Variants in KPNA6 observed in about 807,000 individuals in gnomAD.
KPNA6 encodes the protein importin subunit alpha-7.
In KPNA6, 9 loss-of-function variants were observed where a neutral mutation model predicts 72.0. That is an observed-to-expected ratio of 0.13 (90% CI 0.08 to 0.22). KPNA6 has a LOEUF of 0.22. KPNA6 is among the 10% of genes least tolerant of loss of function. The pLI, the probability that KPNA6 is intolerant of heterozygous loss-of-function variation, is 1.00. For missense variants in KPNA6, 374 were observed against 655.7 expected (o/e 0.57, Z 4.69); for synonymous variants, 219 against 242.1 (o/e 0.90, Z 0.89).
Position 32,156,216 on chromosome 1 carries a change from A to G in KPNA6, c.139-637A>G, listed in dbSNP as rs79496606. Among the ~76,000 whole-genome samples, 349 of 151,508 alleles carry G rather than the reference A, an allele frequency of 2.3e-3. 4 individuals carry two copies. Among genetic ancestry groups the G allele is most frequent in the African/African-American group, 7.8e-3 (320 of 41,240 alleles). ...CTCCAAGTCCTTGAATATCTTTTCC[A>G]TGTTAGTAATCAATAGTCTCCTCTT... On this transcript the variant is annotated intron_variant, in intron 2 of 13. Coordinates refer to ENST00000373625, the MANE Select transcript of KPNA6 (RefSeq NM_012316.5).
chr1:32,153,698 A>G (rs1642081961), intron 1 of KPNA6, among the ~76,000 whole-genome samples: 1 of 152,224 alleles, frequency 6.6e-6, no homozygotes, highest in African/African-American at 2.4e-5. Flanking sequence ...GGATATGCAA[A>G]TAATCATCTC....
chr1:32,162,240 C>T lies in KPNA6; in HGVS notation c.748-121C>T, dbSNP rs1328555515. 5 of 1,050,428 alleles carry T rather than the reference C, an allele frequency of 4.8e-6. 1 individual carries two copies. The highest frequency in any genetic ancestry group is 4.8e-5 in the East Asian group (2 of 42,096). 65.1% of individuals were successfully genotyped at this position (1,050,428 alleles called of 1,614,324 possible). A position where few individuals can be genotyped will look rare whatever the true frequency, so the allele number is the denominator to read the frequency against. ...CAAATGTTTAATGTAGTAGCGATCC[C>T]TAGGGTCTGGAATTACTTGTGTGTG... On this transcript the variant is annotated intron_variant, in intron 8 of 13. Transcript: ENST00000373625.
At chr1:32,130,799 T>G (rs1641623478) in intron 1 of KPNA6, among the ~76,000 whole-genome samples, 1 of 151,652 alleles carries the variant, frequency 6.6e-6, no homozygotes, top group African/African-American at 2.4e-5. Flanking sequence ...CTCAAAGAAG[T>G]TCATTAAGAA....
At chr1:32,138,475 G>A (rs1212152753) in intron 1 of KPNA6, among the ~76,000 whole-genome samples, 5 of 151,106 alleles carry the variant, frequency 3.3e-5, no homozygotes, top group South Asian at 2.1e-4. Context: ...CCTGGGAGAC[G>A]GAGGTTGCGG....
At chr1:32,158,206 C>G (rs1254698081) in intron 4 of KPNA6, 61 bp from the exon 5 acceptor site, 1 of 1,080,208 alleles carries the variant, frequency 9.3e-7, no homozygotes, top group Non-Finnish European at 1.4e-6. Context: ...CAAGCTGACC[C>G]CCATGAAGGG....
At chr1:32,124,868 G>T (rs554256193) in intron 1 of KPNA6, among the ~76,000 whole-genome samples, 2 of 149,268 alleles carry the variant, frequency 1.3e-5, no homozygotes, top group Non-Finnish European at 3.0e-5. Context: ...TTTTTGAGAC[G>T]GAGTTTCACT....
rs143894642 is a variant in KPNA6, at chr1:32,161,331, A to T, written c.648-616A>T. Among the ~76,000 whole-genome samples the T allele has an allele frequency of 3.8e-3, 582 of 152,306 alleles. 4 individuals carry two copies. The highest frequency in any genetic ancestry group is 0.013 in the African/African-American group (543 of 41,566). On this transcript the variant is annotated intron_variant, in intron 7 of 13. Coordinates refer to ENST00000373625, the MANE Select transcript of KPNA6 (RefSeq NM_012316.5). Reference sequence around the variant, plus strand: ...TCTCTACAAAATGCATTGATTTGTTATGGGGTTTTGCATACATACATCGGA... The same window carrying T: ...TCTCTACAAAATGCATTGATTTGTTTTGGGGTTTTGCATACATACATCGGA...
At chr1:32,123,672 T>A (rs992064874) in intron 1 of KPNA6, among the ~76,000 whole-genome samples, 1 of 147,728 alleles carries the variant, frequency 6.8e-6, no homozygotes, top group Non-Finnish European at 1.5e-5. Flanking sequence ...CCCCGGAGAT[T>A]GAGGTTGCAG....
chr1:32,171,395 CA>C lies in KPNA6; in HGVS notation c.*504del, dbSNP rs1052418957. 1 of 152,852 alleles carries C rather than the reference CA, an allele frequency of 6.5e-6. No individual in the cohort carries two copies. The highest frequency in any genetic ancestry group is 1.5e-5 in the Non-Finnish European group (1 of 68,574). 9.5% of individuals were successfully genotyped at this position (152,852 alleles called of 1,614,324 possible). ...GGGAGGGGAAGGGAGAAATCCAAAA[CA>C]AAGTGTTCTTGCTCTGACAGAATAT... On this transcript the variant is annotated 3_prime_UTR_variant, in exon 14 of 14. Transcript: ENST00000373625.
chr1:32,167,400 C>T, intron 12 of KPNA6, 104 bp downstream of exon 12: 4 of 1,288,028 alleles, frequency 3.1e-6, no homozygotes, highest in Non-Finnish European at 4.4e-6. Context: ...GACAGGTCTG[C>T]CCCCTAGTCT....
At position 32,170,927 on chromosome 1, in the gene KPNA6, G is replaced by GCACC. The variant is rs768539123; in HGVS notation, c.*34_*37dup. The GCACC allele has an allele frequency of 4.4e-6, 7 of 1,596,082 alleles. No homozygotes were observed. Among genetic ancestry groups the GCACC allele is most frequent in the Non-Finnish European group, 5.2e-6 (6 of 1,164,660 alleles). ...CTCCAGGGAGGGGAGGGGATGGGAA[G>GCACC]CACCACCAGCCAGCGGAAGAGCAGC... On this transcript the variant is annotated 3_prime_UTR_variant, in exon 14 of 14. Transcript: ENST00000373625.
chr1:32,150,166 T>C (rs1642003705), intron 1 of KPNA6, among the ~76,000 whole-genome samples: 1 of 140,268 alleles, frequency 7.1e-6, no homozygotes, highest in African/African-American at 2.6e-5. Flanking sequence ...AGGGTCTTAC[T>C]CTATTGCCCA....
intron 7 of KPNA6, among the ~76,000 whole-genome samples, chr1:32,161,243 A>G (rs1642232649): frequency 6.6e-6 from 1 of 152,134 alleles, no homozygotes; most frequent in South Asian, 2.1e-4. Flanking sequence ...ATATCCTCAT[A>G]TCCTCCTCAT....
chr1:32,170,090 A>C, intron 13 of KPNA6, 30 bp downstream of exon 13: 1 of 1,594,580 alleles, frequency 6.3e-7, no homozygotes, highest in Non-Finnish European at 8.6e-7. Flanking sequence ...TCTAGGTCAG[A>C]ACCTGAGACT....
At chr1:32,113,483 ACT>A (rs979898713) in intron 1 of KPNA6, among the ~76,000 whole-genome samples, 12 of 152,070 alleles carry the variant, frequency 7.9e-5, no homozygotes, top group African/African-American at 2.2e-4. Context: ...ACAGGGTCTC[ACT>A]CTGTCACACA....
At chr1:32,133,642 C>T (rs995396759) in intron 1 of KPNA6, among the ~76,000 whole-genome samples, 1 of 151,912 alleles carries the variant, frequency 6.6e-6, no homozygotes, top group African/African-American at 2.4e-5. Context: ...GTTGATTGCA[C>T]TACTGCATTC....
chr1:32,134,077 T>A (rs1243829474), intron 1 of KPNA6, among the ~76,000 whole-genome samples: 3 of 151,696 alleles, frequency 2.0e-5, no homozygotes, highest in Non-Finnish European at 4.4e-5. Flanking sequence ...ACCTCGTCTC[T>A]ACTAAAAATA....
intron 11 of KPNA6, among the ~76,000 whole-genome samples, 181 bp downstream of exon 11, chr1:32,166,411 G>A (rs1280497761): frequency 6.6e-6 from 1 of 152,076 alleles, no homozygotes. Flanking sequence ...CAGATCATGA[G>A]GTCAGGAGTT....
rs371375908 is a variant in KPNA6 at position 32,110,879 on chromosome 1, C to T, written c.4+2745C>T. Among the ~76,000 whole-genome samples, 4 of 152,274 alleles carry T rather than the reference C, an allele frequency of 2.6e-5. No homozygotes were observed. In the East Asian group the frequency reaches 7.7e-4, roughly 29 times the overall value. ...GCCAGCCTGGGCAACAAGCTAGACT[C>T]CCTCTCAAAAACAAACAAATAAACA... On this transcript the variant is annotated intron_variant, in intron 1 of 13. Transcript: ENST00000373625.
Sources: allele counts gnomAD v4.1 joint callset (sites outside exome capture counted in the v4.1 genomes callset), GRCh38; gene constraint gnomAD v4.1.1; transcripts MANE v1.5; gene names NCBI Gene and HGNC (gene_info 2026-07-23, HGNC 2026-07-21).